The following INIP variants were observed in gnomAD, a reference collection of about 807,000 sequenced individuals.
INIP encodes INTS3 and NABP interacting protein.
Under a neutral mutation model 14.0 loss-of-function variants are expected in INIP, and 9 were observed. The observed-to-expected ratio is 0.64, with a 90% CI of 0.39 to 1.12. The LOEUF (loss-of-function observed/expected upper bound fraction) is 1.12. Among genes scored for constraint, INIP ranks in the 50% most tolerant of loss-of-function variants. The pLI, the probability that INIP is intolerant of heterozygous loss-of-function variation, is 0.01. For synonymous variants in INIP, 37 were observed against 41.5 expected, an observed-to-expected ratio of 0.89 and a Z score of 0.41; for missense variants, 78 against 122.7, an observed-to-expected ratio of 0.64 and a Z score of 1.72.
intron 2 of INIP, among the ~76,000 whole-genome samples, chr9:112,710,888 C>G (rs1421341410): frequency 6.6e-6 from 1 of 151,952 alleles, no homozygotes; most frequent in East Asian, 1.9e-4. Context: ...AAGTAAAATA[C>G]AGCCGGGCAT....
At chr9:112,715,129 T>TACACACAC (rs1408313814) in intron 2 of INIP, among the ~76,000 whole-genome samples, 6 of 100,912 alleles carry the variant, frequency 5.9e-5, no homozygotes, top group Admixed American at 1.1e-4. Context: ...CATACATACA[T>TACACACAC]ACATACACAC....
intron 2 of INIP, among the ~76,000 whole-genome samples, chr9:112,714,471 C>T (rs1838744404): frequency 6.6e-6 from 1 of 152,198 alleles, no homozygotes; most frequent in South Asian, 2.1e-4. Context: ...AATAAAAACT[C>T]CTTGATAGCA....
intron 2 of INIP, among the ~76,000 whole-genome samples, chr9:112,711,604 C>T (rs1838649739): frequency 6.6e-6 from 1 of 152,072 alleles, no homozygotes; most frequent in South Asian, 2.1e-4. Context: ...TTCATCTGAG[C>T]TCAAATTAAG....
chr9:112,707,670 AT>A (rs1374289112), intron 2 of INIP, among the ~76,000 whole-genome samples: 1 of 152,224 alleles, frequency 6.6e-6, no homozygotes, highest in Non-Finnish European at 1.5e-5. Context: ...TGTAAAAAAA[AT>A]CTAAAGCTAA....
intron 4 of INIP, 26 bp downstream of exon 4, chr9:112,689,501 G>C: frequency 6.3e-7 from 1 of 1,589,978 alleles, no homozygotes; most frequent in Non-Finnish European, 8.6e-7. Context: ...CTCCACCGAG[G>C]CAAGAATGTC....
chr9:112,711,913 C>T (rs1838659484), intron 2 of INIP, among the ~76,000 whole-genome samples: 2 of 152,206 alleles, frequency 1.3e-5, no homozygotes, highest in South Asian at 4.1e-4. Flanking sequence ...TCTGGTTGGT[C>T]TAATCCTGCC....
At chr9:112,701,059 C>T (rs1278102269) in intron 2 of INIP, among the ~76,000 whole-genome samples, 1 of 152,218 alleles carries the variant, frequency 6.6e-6, no homozygotes, top group East Asian at 1.9e-4. Flanking sequence ...GGAACGGTGG[C>T]TCATGCCTGT....
chr9:112,710,422 C>T (rs1468411243), intron 2 of INIP, among the ~76,000 whole-genome samples: 1 of 152,204 alleles, frequency 6.6e-6, no homozygotes, highest in East Asian at 1.9e-4. Flanking sequence ...GCCATCACAT[C>T]ATCATAGGAC....
At chr9:112,714,866 C>A (rs1838755466) in intron 2 of INIP, among the ~76,000 whole-genome samples, 1 of 152,070 alleles carries the variant, frequency 6.6e-6, no homozygotes, top group African/African-American at 2.4e-5. Context: ...TACACAAACA[C>A]AGATGGTATA....
chr9:112,701,222 T>G (rs1180046484), intron 2 of INIP, among the ~76,000 whole-genome samples: 2 of 152,190 alleles, frequency 1.3e-5, no homozygotes, highest in African/African-American at 4.8e-5. Flanking sequence ...GCATAAGAAT[T>G]GCTTGAACTG....
intron 3 of INIP, among the ~76,000 whole-genome samples, chr9:112,693,125 G>T (rs887792697): frequency 4.0e-5 from 6 of 151,756 alleles, no homozygotes; most frequent in Non-Finnish European, 8.8e-5. Context: ...TAAACAGTTT[G>T]TTAAAAGTCT....
rs774054401 is a variant in INIP, at chr9:112,687,650, A to G, written c.220-17T>C. 3.5e-6 allele frequency: 5 copies of G among 1,427,118 alleles called. No homozygotes were observed. The highest frequency in any genetic ancestry group is 3.9e-6 in the Non-Finnish European group (4 of 1,034,982). The allele number at this position is 1,427,118 out of a possible 1,614,324, so 88.4% of individuals were successfully genotyped here. On this transcript the variant is annotated splice_polypyrimidine_tract_variant and intron_variant, in intron 4 of 4. Transcript: ENST00000374242. ...ATGAGCATGCTGGGAAAGATTAAAA[A>G]CAAAAAGGCAATTAAGCTATTAAAT...
intron 2 of INIP, among the ~76,000 whole-genome samples, chr9:112,713,766 G>A (rs1474836943): frequency 3.3e-5 from 5 of 152,126 alleles, no homozygotes; most frequent in Non-Finnish European, 5.9e-5. Context: ...CGAGGCAGGC[G>A]GATCACCTGA....
rs1031669473 is a variant in INIP at position 112,700,535 on chromosome 9, ATAT to A, written c.26-6305_26-6303del. 2.7e-3 allele frequency among the ~76,000 whole-genome samples: 369 copies of A among 134,852 alleles called. 3 individuals are homozygous for A. Among genetic ancestry groups the A allele is most frequent in the African/African-American group, 0.01 (325 of 31,462 alleles). The allele number at this position is 134,852 out of a possible 152,430, so 88.5% of individuals were successfully genotyped here. ...AATTAGGTATATATAATATATATAT[ATAT>A]TATATATACCTAATTATATTATATA... On this transcript the variant is annotated intron_variant, in intron 2 of 4. Transcript: ENST00000374242.
At chr9:112,716,272 C>T (rs1588092188) in intron 2 of INIP, among the ~76,000 whole-genome samples, 189 bp downstream of exon 2, 1 of 151,936 alleles carries the variant, frequency 6.6e-6, no homozygotes, top group Non-Finnish European at 1.5e-5. Flanking sequence ...GGGTTCCTGA[C>T]CTCAAGCAGT....
chr9:112,704,243 A>G lies in INIP; in HGVS notation c.26-10010T>C, dbSNP rs145145103. Among the ~76,000 whole-genome samples, 1,178 of 152,336 alleles carry G rather than the reference A, an allele frequency of 7.7e-3. 7 individuals are homozygous for G. The highest frequency in any genetic ancestry group is 0.011 in the Non-Finnish European group (738 of 68,028). On this transcript the variant is annotated intron_variant, in intron 2 of 4. Coordinates refer to ENST00000374242, the MANE Select transcript of INIP (RefSeq NM_021218.3). The stretch of plus-strand genomic sequence containing the variant: ...GAAGACGCAGTGGCTGATGAGTTTG[A>G]TCACACACAATGACCGAGTAGACAT...
At chr9:112,700,265 T>G (rs1838244125) in intron 2 of INIP, among the ~76,000 whole-genome samples, 1 of 151,882 alleles carries the variant, frequency 6.6e-6, no homozygotes, top group African/African-American at 2.4e-5. Flanking sequence ...AGGAATGGAG[T>G]GCACTGTTGA....
chr9:112,712,148 G>T (rs1237222538), intron 2 of INIP, among the ~76,000 whole-genome samples: 2 of 152,168 alleles, frequency 1.3e-5, no homozygotes, highest in African/African-American at 4.8e-5. Context: ...TAGGGGCAAG[G>T]CTTGAGGGAG....
chr9:112,716,033 G>A (rs1336590462), intron 2 of INIP, among the ~76,000 whole-genome samples: 2 of 152,074 alleles, frequency 1.3e-5, no homozygotes, highest in African/African-American at 4.8e-5. Context: ...CAGCACAAGT[G>A]TATTTCAAAT....
Sources: allele counts gnomAD v4.1 joint callset (sites outside exome capture counted in the v4.1 genomes callset), GRCh38; gene constraint gnomAD v4.1.1; transcripts MANE v1.5; gene names NCBI Gene and HGNC (gene_info 2026-07-23, HGNC 2026-07-21).